Variants in PDGFRL observed in about 807,000 individuals in gnomAD.
PDGFRL encodes platelet derived growth factor receptor like.
PDGFRL carries 46 observed loss-of-function variants against 37.2 expected under a neutral mutation model. The ratio of observed to expected loss-of-function variants is 1.24; its 90% CI spans 0.98 to 1.58. The LOEUF is 1.58. Among genes scored for constraint, PDGFRL ranks in the 40% most tolerant of loss-of-function variants. PDGFRL has a pLI of 0.00. For synonymous variants in PDGFRL, 251 were observed against 184.3 expected (o/e 1.36, Z -2.93); for missense variants, 692 against 467.6 (o/e 1.48, Z -4.43).
At chr8:17,619,779 G>A (rs569527041) in intron 2 of PDGFRL, among the ~76,000 whole-genome samples, 11 of 152,292 alleles carry the variant, frequency 7.2e-5, no homozygotes, top group African/African-American at 2.6e-4. Flanking sequence ...CAAAACACCA[G>A]GCCAAGGCTT....
chr8:17,627,765 C>T (rs1382947625), intron 3 of PDGFRL, among the ~76,000 whole-genome samples: 1 of 151,876 alleles, frequency 6.6e-6, no homozygotes, highest in African/African-American at 2.4e-5. Flanking sequence ...CATGAGCCAC[C>T]ACGCCTGGCC....
At chr8:17,594,120 T>G (rs1804000939) in intron 2 of PDGFRL, among the ~76,000 whole-genome samples, 1 of 100,454 alleles carries the variant, frequency 1.0e-5, no homozygotes, top group Non-Finnish European at 2.8e-5. Context: ...ATGCAGCGTA[T>G]TTGTTTTTTT....
At chr8:17,578,399 C>A (rs2588164) in intron 1 of PDGFRL, among the ~76,000 whole-genome samples, 1 of 152,000 alleles carries the variant, frequency 6.6e-6, no homozygotes, top group Non-Finnish European at 1.5e-5. Flanking sequence ...CCAAGATAGT[C>A]GTGGTACTTG....
chr8:17,636,461 A>T (rs972657181), intron 5 of PDGFRL, among the ~76,000 whole-genome samples: 2 of 151,936 alleles, frequency 1.3e-5, no homozygotes, highest in African/African-American at 4.8e-5. Flanking sequence ...ATTCTGTTCC[A>T]CTGGTCTATG....
At chr8:17,639,712 T>C (rs1423973407) in intron 5 of PDGFRL, among the ~76,000 whole-genome samples, 3 of 152,212 alleles carry the variant, frequency 2.0e-5, no homozygotes, top group African/African-American at 7.2e-5. Flanking sequence ...CTTAAGATTC[T>C]TTCCTTCATC....
chr8:17,632,442 G>C (rs943775910), intron 4 of PDGFRL, among the ~76,000 whole-genome samples: 13 of 152,022 alleles, frequency 8.6e-5, no homozygotes. Context: ...CTGGGCTCGA[G>C]GGATTCTCCT....
chr8:17,620,116 T>C (rs960481462), intron 2 of PDGFRL, among the ~76,000 whole-genome samples: 3 of 152,128 alleles, frequency 2.0e-5, no homozygotes, highest in African/African-American at 7.2e-5. Flanking sequence ...GAGTCAGCCA[T>C]CATGCCAGGC....
intron 2 of PDGFRL, among the ~76,000 whole-genome samples, chr8:17,606,898 T>TTG (rs1804292679): frequency 1.0e-4 from 1 of 9,606 alleles, no homozygotes; most frequent in Non-Finnish European, 3.3e-4. Flanking sequence ...TTTTTTGTTT[T>TTG]TTTTTTTTTT....
chr8:17,612,270 A>T (rs1804434466), intron 2 of PDGFRL, among the ~76,000 whole-genome samples: 1 of 152,210 alleles, frequency 6.6e-6, no homozygotes, highest in African/African-American at 2.4e-5. Context: ...TTTATGCAGT[A>T]TCTGTTTCAC....
At chr8:17,577,823 AAGATCTGCCT>A (rs1271139728) in intron 1 of PDGFRL, among the ~76,000 whole-genome samples, 2 of 151,536 alleles carry the variant, frequency 1.3e-5, no homozygotes, top group Non-Finnish European at 2.9e-5. Context: ...TGAATCCTGC[AAGATCTGCCT>A]AGATCTTCGA....
At chr8:17,623,417 C>T (rs2588105) in intron 3 of PDGFRL, among the ~76,000 whole-genome samples, 137,371 of 152,288 alleles carry the variant, frequency 0.9, 63,377 homozygotes, top group East Asian at 1. Context: ...GAAAAAGCAA[C>T]CAACTAAGAT....
At chr8:17,641,177 C>T (rs1409819047) in intron 5 of PDGFRL, among the ~76,000 whole-genome samples, 2 of 152,180 alleles carry the variant, frequency 1.3e-5, no homozygotes, top group African/African-American at 2.4e-5. Flanking sequence ...GGGTTGAGAA[C>T]TTGTCCCAGG....
At chr8:17,577,427 C>A (rs562145773) in intron 1 of PDGFRL, 120 bp downstream of exon 1, 1 of 816,496 alleles carries the variant, frequency 1.2e-6, no homozygotes, top group Non-Finnish European at 2.1e-6. Flanking sequence ...GGCTCAGCCC[C>A]CGCGCCACTG....
In PDGFRL at chr8:17,589,387, A is replaced by T. The variant is rs1803883105; in HGVS notation, c.56-81A>T. On this transcript the variant is annotated intron_variant, in intron 1 of 5. Transcript: ENST00000251630. Reference sequence around the variant, plus strand: ...GGCAATAGAGTAAGAATCTGTCTCAAAAAAAAAAAAAAGTTATTGGCCTCA... The same window carrying T: ...GGCAATAGAGTAAGAATCTGTCTCATAAAAAAAAAAAAGTTATTGGCCTCA... 8 of 148,234 alleles carry T rather than the reference A, an allele frequency of 5.4e-5. No homozygotes were observed. In the South Asian group the frequency reaches 1.7e-3, roughly 32 times the overall value. 9.2% of individuals were successfully genotyped at this position (148,234 alleles called of 1,614,324 possible). A position where few individuals can be genotyped will look rare whatever the true frequency, so the allele number is the denominator to read the frequency against.
intron 2 of PDGFRL, among the ~76,000 whole-genome samples, chr8:17,617,624 A>G (rs537244981): frequency 8.0e-4 from 122 of 152,294 alleles, no homozygotes; most frequent in African/African-American, 2.8e-3. Flanking sequence ...TAATCCCACT[A>G]AATAATTTGT....
At chr8:17,634,306 A>T in intron 5 of PDGFRL, 93 bp downstream of exon 5, 3 of 975,534 alleles carry the variant, frequency 3.1e-6, no homozygotes, top group Non-Finnish European at 1.6e-6. Context: ...ACCCAGTGCT[A>T]TATGCCATAA....
chr8:17,641,251 G>A (rs1378592263), intron 5 of PDGFRL, among the ~76,000 whole-genome samples: 1 of 152,160 alleles, frequency 6.6e-6, no homozygotes, highest in African/African-American at 2.4e-5. Context: ...TACCTGCCAC[G>A]GTTTCTGTGC....
At chr8:17,624,529 G>C (rs985967034) in intron 3 of PDGFRL, among the ~76,000 whole-genome samples, 5 of 152,156 alleles carry the variant, frequency 3.3e-5, no homozygotes, top group African/African-American at 1.2e-4. Flanking sequence ...CCCAGATCAA[G>C]GATGAGAACA....
At chr8:17,600,642 A>AG (rs1324320673) in intron 2 of PDGFRL, among the ~76,000 whole-genome samples, 1 of 152,046 alleles carries the variant, frequency 6.6e-6, no homozygotes, top group East Asian at 1.9e-4. Context: ...CTCTAAAAAA[A>AG]AAATTGTTTT....
Sources: allele counts gnomAD v4.1 joint callset (sites outside exome capture counted in the v4.1 genomes callset), GRCh38; gene constraint gnomAD v4.1.1; transcripts MANE v1.5; gene names NCBI Gene and HGNC (gene_info 2026-07-23, HGNC 2026-07-21).